Variants in FOXK1 observed in about 807,000 individuals in gnomAD.
FOXK1 encodes forkhead box K1.
Under a neutral mutation model 51.9 loss-of-function variants are expected in FOXK1, and 19 were observed. The observed-to-expected ratio is 0.37, with a 90% CI of 0.26 to 0.54. The LOEUF is 0.54. Ranked by LOEUF, FOXK1 falls within the 20% of genes least tolerant of loss-of-function variation. The pLI is 0.87. For synonymous variants in FOXK1, 537 were observed against 482.6 expected (o/e 1.11, Z -1.48); for missense variants, 870 against 1,032.7 (o/e 0.84, Z 2.16).
chr7:4,710,783 C>T (rs1227506073), intron 1 of FOXK1, among the ~76,000 whole-genome samples: 3 of 152,050 alleles, frequency 2.0e-5, no homozygotes, highest in East Asian at 1.9e-4. Flanking sequence ...GCACGGGCCA[C>T]GATACTGTTC....
intron 1 of FOXK1, among the ~76,000 whole-genome samples, chr7:4,702,348 A>T (rs1352523296): frequency 6.6e-5 from 10 of 151,458 alleles, no homozygotes; most frequent in Non-Finnish European, 5.9e-5. Flanking sequence ...TTTTTTATTT[A>T]TTTATTTTTT....
intron 1 of FOXK1, among the ~76,000 whole-genome samples, chr7:4,721,642 G>A (rs1780313836): frequency 7.1e-6 from 1 of 140,798 alleles, no homozygotes; most frequent in Admixed American, 7.5e-5. Flanking sequence ...CCAGGCTGGA[G>A]TGCAGTGGTG....
chr7:4,713,780 G>A (rs1445349416), intron 1 of FOXK1, among the ~76,000 whole-genome samples: 2 of 151,690 alleles, frequency 1.3e-5, no homozygotes, highest in African/African-American at 2.4e-5. Context: ...GTGAGCCACC[G>A]CACCCAGCCC....
intron 2 of FOXK1, among the ~76,000 whole-genome samples, chr7:4,741,491 G>A (rs1273905274): frequency 6.6e-6 from 1 of 152,046 alleles, no homozygotes; most frequent in Non-Finnish European, 1.5e-5. Flanking sequence ...ACCACGCCTG[G>A]CTAAATTTTT....
At chr7:4,732,112 T>G (rs1780485413) in intron 1 of FOXK1, among the ~76,000 whole-genome samples, 1 of 152,232 alleles carries the variant, frequency 6.6e-6, no homozygotes, top group South Asian at 2.1e-4. Context: ...TTTATCAAGC[T>G]GTTGTAAACG....
Position 4,682,747 on chromosome 7 carries a change from C to T in FOXK1, c.439C>T (p.Arg147Cys). The change falls in exon 1 of 9, where the codon CGC (arginine) becomes TGC (cysteine). Residue 147 changes from arginine (R) to cysteine (C), a missense_variant. Arg to Cys is a radical substitution (Grantham distance 180). Transcript: ENST00000328914. This position sits in a 1 kb window ranked among gnomAD's most constrained non-coding sequence, Gnocchi z 7.6. ...GGGCCTGTCCAGCTTCATCTCGCGG[C>T]GCCACCTGCAGCTCAGCTTCCAGGA... ...SMGLSSFISR[R>C]HLQLSFQEPH... is the part of the protein sequence containing the mutation. 1.2e-6 allele frequency: 2 copies of T among 1,601,920 alleles called. No homozygotes were observed. The highest frequency in any genetic ancestry group is 1.7e-6 in the Non-Finnish European group (2 of 1,178,036).
chr7:4,720,535 T>G (rs1484639190), intron 1 of FOXK1, among the ~76,000 whole-genome samples: 1 of 152,138 alleles, frequency 6.6e-6, no homozygotes, highest in African/African-American at 2.4e-5. Flanking sequence ...AGATGTAAAA[T>G]TTCCCCTGTG....
In FOXK1 at chr7:4,709,055, C is replaced by T. The variant is rs147807921; in HGVS notation, c.560+26187C>T. On this transcript the variant is annotated intron_variant, in intron 1 of 8. Transcript: ENST00000328914. This position sits in a 1 kb window ranked among gnomAD's most constrained non-coding sequence, Gnocchi z 5.6. ...ACTCCAGCCTGGGCAATGAGCGAGA[C>T]TCTGTCTCAAAAAAAAAAAAAAAAG... Among the ~76,000 whole-genome samples the T allele has an allele frequency of 0.014, 1,898 of 139,278 alleles. 44 individuals are homozygous for T. The highest frequency in any genetic ancestry group is 0.05 in the African/African-American group (1,797 of 35,758). The allele number at this position is 139,278 out of a possible 152,430, so 91.4% of individuals were successfully genotyped here. A position where few individuals can be genotyped will look rare whatever the true frequency, so the allele number is the denominator to read the frequency against.
chr7:4,741,306 T>A (rs895384894), intron 2 of FOXK1, among the ~76,000 whole-genome samples: 1 of 150,812 alleles, frequency 6.6e-6, no homozygotes, highest in Non-Finnish European at 1.5e-5. Flanking sequence ...TGTTTTTTTT[T>A]AAAGGGCGTT....
rs1780798886 is a variant in FOXK1 at position 4,753,012 on chromosome 7, G to A, written c.747-1447G>A. 1.3e-5 allele frequency among the ~76,000 whole-genome samples: 2 copies of A among 152,148 alleles called. No individual in the cohort carries two copies. The highest frequency in any genetic ancestry group is 2.9e-5 in the Non-Finnish European group (2 of 68,020). On this transcript the variant is annotated intron_variant, in intron 2 of 8. Coordinates refer to ENST00000328914, the MANE Select transcript of FOXK1 (RefSeq NM_001037165.2). The surrounding 1 kb of genome is among the most constrained non-coding windows in gnomAD (Gnocchi z 4.9). ...CTTTTGACTGTTTCCTACCTCGATC[G>A]AGCCATTTGTGGGTGTTCATTTAAG...
rs17135087 is a variant in FOXK1 at position 4,766,592 on chromosome 7, A to G, written c.*4128A>G. The G allele has an allele frequency of 0.21, 31,406 of 152,356 alleles. 8,028 individuals carry two copies. The highest frequency in any genetic ancestry group is 0.61 in the African/African-American group (25,259 of 41,518). The allele number at this position is 152,356 out of a possible 1,614,324, so 9.4% of individuals were successfully genotyped here. On this transcript the variant is annotated 3_prime_UTR_variant, in exon 9 of 9. Transcript: ENST00000328914. This position sits in a 1 kb window ranked among gnomAD's most constrained non-coding sequence, Gnocchi z 5.5. ...TGAGTGTTCCCTGCTCCTAGGTACCACGCTCTGTGCTTCTCAGGCAGGGAG... is the reference window on the plus strand; with the variant it reads ...TGAGTGTTCCCTGCTCCTAGGTACCGCGCTCTGTGCTTCTCAGGCAGGGAG...
chr7:4,759,962 C>T, intron 7 of FOXK1: 1 of 295,980 alleles, frequency 3.4e-6, no homozygotes, highest in Non-Finnish European at 6.3e-6. Flanking sequence ...AGCCTGGAGG[C>T]AGAGGTTGCA....
In FOXK1 at chr7:4,709,530, C is replaced by T. The variant is rs1460818335; in HGVS notation, c.560+26662C>T. On this transcript the variant is annotated intron_variant, in intron 1 of 8. Coordinates refer to ENST00000328914, the MANE Select transcript of FOXK1 (RefSeq NM_001037165.2). The surrounding 1 kb of genome is among the most constrained non-coding windows in gnomAD (Gnocchi z 5.6). ...TGGCAGATCGAGGCTGGCCCGTGACCGGGGCAGGCGGACCTTCTCCGGGAG... is the reference window on the plus strand; with the variant it reads ...TGGCAGATCGAGGCTGGCCCGTGACTGGGGCAGGCGGACCTTCTCCGGGAG... 1.3e-5 allele frequency among the ~76,000 whole-genome samples: 2 copies of T among 152,200 alleles called. No individual in the cohort carries two copies. Among genetic ancestry groups the T allele is most frequent in the African/African-American group, 4.8e-5 (2 of 41,448 alleles).
chr7:4,692,822 G>A (rs1231999182), intron 1 of FOXK1, among the ~76,000 whole-genome samples: 2 of 151,932 alleles, frequency 1.3e-5, no homozygotes, highest in East Asian at 3.8e-4. Flanking sequence ...GACCTCCTGG[G>A]CTCAAGCAGT....
chr7:4,754,362 C>T, intron 2 of FOXK1, 97 bp from the exon 3 acceptor site: 1 of 1,405,464 alleles, frequency 7.1e-7, no homozygotes, highest in Non-Finnish European at 9.7e-7. Flanking sequence ...AGCTTCTTCC[C>T]CACAGCCCCA....
chr7:4,740,862 G>A lies in FOXK1; in HGVS notation c.585G>A (p.Thr195=), dbSNP rs558660414. 2.1e-5 allele frequency: 33 copies of A among 1,595,518 alleles called. No homozygotes were observed. The highest frequency in any genetic ancestry group is 4.7e-5 in the East Asian group (2 of 42,486). The change falls in exon 2 of 9, where the codon ACG becomes ACA. Residue 195 remains threonine, a synonymous_variant. Coordinates refer to ENST00000328914, the MANE Select transcript of FOXK1 (RefSeq NM_001037165.2). ...PKQCTFRFPS[T]AIKIQFTSLY... The stretch of plus-strand genomic sequence containing the variant: ...GGTGTACCTTCCGGTTTCCCAGCAC[G>A]GCCATCAAGATCCAGTTCACGTCGC...
chr7:4,754,500 C>T lies in FOXK1; in HGVS notation c.788C>T (p.Ser263Phe), dbSNP rs1475528970. The change falls in exon 3 of 9, where the codon TCC becomes TTC. Residue 263 changes from serine (S) to phenylalanine (F), a missense_variant. By Grantham distance (155) the Ser-to-Phe change is radical. Transcript: ENST00000328914. ...CCAGCCAGTCCACGCGGTGCCGGCT[C>T]CTCCAGTTACCGCTTTGTGCAGAAC... ...SCPASPRGAG[S>F]SSYRFVQNVT... 1 of 1,613,152 alleles carries T rather than the reference C, an allele frequency of 6.2e-7. No individual in the cohort carries two copies. The highest frequency in any genetic ancestry group is 1.1e-5 in the South Asian group (1 of 91,084).
rs562354925 is a variant in FOXK1 at position 4,755,173 on chromosome 7, G to A, written c.904-64G>A. 2.2e-5 allele frequency: 35 copies of A among 1,580,916 alleles called. No homozygotes were observed. The highest frequency in any genetic ancestry group is 4.5e-5 in the East Asian group (2 of 44,352). On this transcript the variant is annotated intron_variant, in intron 3 of 8. Coordinates refer to ENST00000328914, the MANE Select transcript of FOXK1 (RefSeq NM_001037165.2). This position sits in a 1 kb window ranked among gnomAD's most constrained non-coding sequence, Gnocchi z 6.6. ...AAGGTTCCTCCCCATCAGCTGTGACGGGTGGGTGGGGTAGACTCAGGGACC... is the reference window on the plus strand; with the variant it reads ...AAGGTTCCTCCCCATCAGCTGTGACAGGTGGGTGGGGTAGACTCAGGGACC...
At position 4,757,160 on chromosome 7, in the gene FOXK1, G is replaced by A. The variant is rs1780863464; in HGVS notation, c.1217G>A (p.Arg406His). The A allele has an allele frequency of 3.1e-6, 5 of 1,611,194 alleles. No homozygotes were observed. Among genetic ancestry groups the A allele is most frequent in the Non-Finnish European group, 3.4e-6 (4 of 1,179,310 alleles). Residue 406 changes from arginine to histidine, a missense_variant, in exon 5 of 9, where the codon CGC becomes CAC. Coordinates refer to ENST00000328914, the MANE Select transcript of FOXK1 (RefSeq NM_001037165.2). ...AGGCAGAGGGGTGTCTCCTGCTTCC[G>A]CACCCCCTTCGGGCCTCTGTCCTCA... ...KRRQRGVSCF[R>H]TPFGPLSSRS...
Sources: allele counts gnomAD v4.1 joint callset (sites outside exome capture counted in the v4.1 genomes callset), GRCh38; gene constraint gnomAD v4.1.1; non-coding constraint Gnocchi (gnomAD v3.1); transcripts MANE v1.5; gene names NCBI Gene and HGNC (gene_info 2026-07-23, HGNC 2026-07-21).